CHRNA3: variants seen among roughly 807,000 people sequenced by gnomAD.
CHRNA3 encodes neuronal acetylcholine receptor subunit alpha-3.
A neutral mutation model predicts 41.9 loss-of-function variants in CHRNA3; 34 were observed. The observed-to-expected ratio is 0.81, with a 90% CI of 0.62 to 1.08. The LOEUF (loss-of-function observed/expected upper bound fraction) is 1.08, where lower values mean the gene tolerates loss of function less well. Among genes scored for constraint, CHRNA3 ranks in the 50% least tolerant of loss-of-function variants. The probability of loss-of-function intolerance (pLI) is 0.00; values close to 1 mark genes in which losing one functional copy is unlikely to be tolerated. For missense variants in CHRNA3, 542 were observed against 638.3 expected (o/e 0.85, Z 1.63); for synonymous variants, 281 against 265.2 (o/e 1.06, Z -0.58).
In CHRNA3 at chr15:78,602,128, T is replaced by C; in HGVS notation, c.514A>G (p.Asn172Asp). Residue 172 changes from asparagine (N) to aspartate (D), a missense_variant, in exon 5 of 6, where the codon AAC becomes GAC. Coordinates refer to ENST00000326828, the MANE Select transcript of CHRNA3 (RefSeq NM_000743.5). Reference protein sequence around the residue: ...DVTYFPFDYQNCTMKFGSWSY... With the variant: ...DVTYFPFDYQDCTMKFGSWSY... ...CAGGAACCGAACTTCATGGTACAGTTTTGGTAATCAAACGGGAAGTAGGTC... is the reference window on the plus strand; with the variant it reads ...CAGGAACCGAACTTCATGGTACAGTCTTGGTAATCAAACGGGAAGTAGGTC... 2 of 1,614,148 alleles carry C rather than the reference T, an allele frequency of 1.2e-6. No homozygotes were observed. The highest frequency in any genetic ancestry group is 1.7e-6 in the Non-Finnish European group (2 of 1,180,032).
At chr15:78,593,304 T>C, downstream of CHRNA3, 1 of 1,488,714 alleles carries the variant, frequency 6.7e-7, no homozygotes, top group Non-Finnish European at 9.0e-7. Flanking sequence ...ATATATCTGA[T>C]GGCACCTATA....
intron 4 of CHRNA3, among the ~76,000 whole-genome samples, chr15:78,609,247 G>C (rs1191753204): frequency 6.6e-6 from 1 of 152,068 alleles, no homozygotes; most frequent in East Asian, 1.9e-4. Context: ...GATACTCCTC[G>C]AGAAGAGCAA....
chr15:78,595,480 C>G lies in CHRNA3; in HGVS notation c.*1124G>C. 1.1e-6 allele frequency: 1 copy of G among 891,946 alleles called. No individual in the cohort carries two copies. Among genetic ancestry groups the G allele is most frequent in the Non-Finnish European group, 1.3e-6 (1 of 744,952 alleles). The allele number at this position is 891,946 out of a possible 1,614,324, so 55.3% of individuals were successfully genotyped here. A position where few individuals can be genotyped will look rare whatever the true frequency, so the allele number is the denominator to read the frequency against. On this transcript the variant is annotated 3_prime_UTR_variant, in exon 6 of 6. Transcript: ENST00000326828. ...TGTTTCTCAACCAGGGGCAATTTTG[C>G]TCCTAAGGGAACATTTAACAATGGA...
chr15:78,614,395 T>C (rs1287075102), intron 4 of CHRNA3, among the ~76,000 whole-genome samples: 1 of 152,350 alleles, frequency 6.6e-6, no homozygotes, highest in South Asian at 2.1e-4. Context: ...GTCCCAGTTC[T>C]TTGATGACCA....
intron 4 of CHRNA3, among the ~76,000 whole-genome samples, chr15:78,616,642 G>A (rs2053466955): frequency 6.6e-6 from 1 of 152,062 alleles, no homozygotes; most frequent in Non-Finnish European, 1.5e-5. Flanking sequence ...CCACAGTCCA[G>A]CCAATGAGGT....
intron 5 of CHRNA3, among the ~76,000 whole-genome samples, chr15:78,597,414 G>T (rs80116812): frequency 2.7e-5 from 4 of 148,830 alleles, no homozygotes; most frequent in Admixed American, 2.7e-4. Context: ...CTGGGCAACA[G>T]AGCGAGACCC....
At chr15:78,600,960 A>G (rs748720928) in intron 5 of CHRNA3, among the ~76,000 whole-genome samples, 1 of 152,082 alleles carries the variant, frequency 6.6e-6, no homozygotes, top group Non-Finnish European at 1.5e-5. Context: ...CTACATCCTA[A>G]TCTAGTCTAT....
At chr15:78,600,519 T>C (rs2053180883) in intron 5 of CHRNA3, among the ~76,000 whole-genome samples, 1 of 152,112 alleles carries the variant, frequency 6.6e-6, no homozygotes, top group Non-Finnish European at 1.5e-5. Flanking sequence ...CATTGAGATG[T>C]ACACTGAAGA....
chr15:78,593,789 C>G (rs1380150542), downstream of CHRNA3: 2 of 152,082 alleles, frequency 1.3e-5, no homozygotes, highest in African/African-American at 4.8e-5. Flanking sequence ...ACCTGTAATC[C>G]CAGCACTTTG....
intron 5 of CHRNA3, among the ~76,000 whole-genome samples, chr15:78,598,546 C>T (rs2053148033): frequency 1.3e-5 from 2 of 151,998 alleles, no homozygotes; most frequent in South Asian, 4.1e-4. Flanking sequence ...AGGTGTGTGT[C>T]ACTACACTTG....
rs71581739 is a variant in CHRNA3, at chr15:78,601,530, G to A, written c.1112C>T (p.Pro371Leu). The A allele has an allele frequency of 2.4e-4, 385 of 1,614,158 alleles. 2 individuals carry two copies. In the East Asian group the frequency reaches 6.8e-3, roughly 29 times the overall value. Residue 371 changes from proline to leucine, a missense_variant, in exon 5 of 6, where the codon CCC (proline) becomes CTC (leucine). Physicochemically the swap from Pro to Leu is moderately conservative, Grantham distance 98. Transcript: ENST00000326828. Reference sequence around the variant, plus strand: ...ATTTGAGAGCTCGGCACCGTAGAGGGGCCTCGGCTTCTGAGCGTTGCCCTC... The same window carrying A: ...ATTTGAGAGCTCGGCACCGTAGAGGAGCCTCGGCTTCTGAGCGTTGCCCTC... ...SNEGNAQKPR[P>L]LYGAELSNLN...
At chr15:78,600,275 A>G (rs774846861) in intron 5 of CHRNA3, among the ~76,000 whole-genome samples, 17 of 151,942 alleles carry the variant, frequency 1.1e-4, no homozygotes, top group East Asian at 1.9e-4. Context: ...GGGTTTCGCT[A>G]TGTTTCCCAG....
Position 78,602,004 on chromosome 15 carries a change from G to A in CHRNA3, c.638C>T (p.Pro213Leu). ...ESGEWAIIKA[P>L]GYKHDIKYNC... is the part of the protein sequence containing the mutation. ...GTACTTGATGTCGTGTTTGTAGCCT[G>A]GGGCTTTGATGATGGCCCACTCGCC... Residue 213 changes from proline (P) to leucine (L), a missense_variant, in exon 5 of 6, where the codon CCA becomes CTA. Pro to Leu is a moderately conservative substitution (Grantham distance 98). Coordinates refer to ENST00000326828, the MANE Select transcript of CHRNA3 (RefSeq NM_000743.5). 6.2e-7 allele frequency: 1 copy of A among 1,613,500 alleles called. No individual in the cohort carries two copies. The highest frequency in any genetic ancestry group is 8.5e-7 in the Non-Finnish European group (1 of 1,179,522).
At chr15:78,607,079 A>G (rs954713399) in intron 4 of CHRNA3, among the ~76,000 whole-genome samples, 4 of 151,822 alleles carry the variant, frequency 2.6e-5, no homozygotes, top group Admixed American at 6.6e-5. Context: ...AATACAAAAA[A>G]TTAGCTGGGC....
At chr15:78,608,810 G>A (rs925896255) in intron 4 of CHRNA3, among the ~76,000 whole-genome samples, 1 of 148,732 alleles carries the variant, frequency 6.7e-6, no homozygotes, top group African/African-American at 2.5e-5. Context: ...TCAAACCAAT[G>A]GCAAAGAAGT....
chr15:78,598,523 T>C (rs1448117403), intron 5 of CHRNA3, among the ~76,000 whole-genome samples: 1 of 151,768 alleles, frequency 6.6e-6, no homozygotes, highest in Non-Finnish European at 1.5e-5. Context: ...GCTTCCTGAG[T>C]AGCTGGAACT....
At chr15:78,598,270 C>G (rs2053142929) in intron 5 of CHRNA3, among the ~76,000 whole-genome samples, 1 of 152,100 alleles carries the variant, frequency 6.6e-6, no homozygotes, top group East Asian at 1.9e-4. Context: ...TGAATAGAGC[C>G]TAGTGATACT....
intron 4 of CHRNA3, among the ~76,000 whole-genome samples, chr15:78,612,857 TCAAA>T (rs1483340727): frequency 2.0e-5 from 3 of 149,184 alleles, no homozygotes; most frequent in Admixed American, 6.6e-5. Context: ...TACAATGAAC[TCAAA>T]CAAATTTACA....
rs2053203678 is a variant in CHRNA3 at position 78,601,796 on chromosome 15, G to A, written c.846C>T (p.Ser282=). 2.5e-6 allele frequency: 4 copies of A among 1,614,150 alleles called. No homozygotes were observed. The highest frequency in any genetic ancestry group is 3.4e-6 in the Non-Finnish European group (4 of 1,180,044). ...TGATCACCAGGAGAAACACCGTCAG[G>A]GAGAGGAGGACAGAAATGCACAGGG... ...KVTLCISVLL[S]LTVFLLVITE... is the part of the protein sequence containing the mutation. The change falls in exon 5 of 6, where the codon TCC becomes TCT. Residue 282 remains serine (S), a synonymous_variant. Transcript: ENST00000326828.
Sources: gnomAD v4.1 joint callset for allele counts (sites outside exome capture counted in the v4.1 genomes callset) on GRCh38, gnomAD v4.1.1 for gene constraint, MANE v1.5 for transcripts, NCBI Gene and HGNC (gene_info 2026-07-23, HGNC 2026-07-21) for gene names.